Variants in MGLL observed in about 807,000 individuals in gnomAD.
MGLL encodes the protein lysophospholipase homolog.
MGLL carries 7 observed loss-of-function variants against 29.1 expected under a neutral mutation model. That is an observed-to-expected ratio of 0.24 (90% CI 0.14 to 0.45). The LOEUF (loss-of-function observed/expected upper bound fraction) is 0.45, where lower values mean the gene tolerates loss of function less well. MGLL is among the 20% of genes least tolerant of loss of function. The probability of loss-of-function intolerance (pLI) is 0.99; values close to 1 mark genes in which losing one functional copy is unlikely to be tolerated. For synonymous variants in MGLL, 148 were observed against 168.3 expected (o/e 0.88, Z 0.93); for missense variants, 356 against 413.6 (o/e 0.86, Z 1.21).
intron 2 of MGLL, among the ~76,000 whole-genome samples, chr3:127,820,774 C>A (rs1175780735): frequency 6.6e-6 from 1 of 152,222 alleles, no homozygotes; most frequent in Non-Finnish European, 1.5e-5. Flanking sequence ...AAACCATAGC[C>A]AGTCTGTGTA....
At chr3:127,755,576 C>T (rs1368677066) in intron 3 of MGLL, among the ~76,000 whole-genome samples, 4 of 152,194 alleles carry the variant, frequency 2.6e-5, no homozygotes, top group Non-Finnish European at 5.9e-5. Context: ...CTCAGTGCAG[C>T]CGGGACACTG....
At chr3:127,733,668 G>C (rs557059361) in intron 3 of MGLL, among the ~76,000 whole-genome samples, 2 of 152,314 alleles carry the variant, frequency 1.3e-5, no homozygotes, top group East Asian at 3.9e-4. Context: ...TTAGGCACAA[G>C]AGGGATGTTT....
chr3:127,692,164 C>T lies in MGLL; in HGVS notation c.*34G>A. The T allele has an allele frequency of 6.2e-7, 1 of 1,606,502 alleles. No individual in the cohort carries two copies. Among genetic ancestry groups the T allele is most frequent in the Non-Finnish European group, 8.5e-7 (1 of 1,177,016 alleles). ...TCTCTGCCCTTCCCCTGCCTGCATC[C>T]CCCAGACCATGAGCCGGGCACCGGC... On this transcript the variant is annotated 3_prime_UTR_variant, in exon 8 of 8. Coordinates refer to ENST00000265052, the MANE Select transcript of MGLL (RefSeq NM_007283.7).
intron 5 of MGLL, 117 bp downstream of exon 5, chr3:127,720,936 A>G (rs1371326471): frequency 1.0e-5 from 9 of 861,954 alleles, no homozygotes; most frequent in African/African-American, 6.7e-5. Flanking sequence ...CCCTCACGCA[A>G]TAGTGTCTGA....
intron 3 of MGLL, among the ~76,000 whole-genome samples, chr3:127,776,543 G>A (rs930685976): frequency 6.6e-6 from 1 of 152,176 alleles, no homozygotes; most frequent in African/African-American, 2.4e-5. Flanking sequence ...GGCCCTCCAG[G>A]CATTGAGGAT....
intron 2 of MGLL, among the ~76,000 whole-genome samples, chr3:127,796,745 C>T (rs1409010474): frequency 1.3e-5 from 2 of 152,162 alleles, no homozygotes; most frequent in Non-Finnish European, 2.9e-5. Context: ...GCTCTCCCAG[C>T]GTAAGGATAA....
intron 3 of MGLL, among the ~76,000 whole-genome samples, chr3:127,751,682 G>A (rs751314570): frequency 3.3e-5 from 5 of 151,944 alleles, no homozygotes; most frequent in African/African-American, 4.8e-5. Context: ...TTTTGGGGTG[G>A]TTTGTTACAT....
intron 3 of MGLL, among the ~76,000 whole-genome samples, chr3:127,746,882 C>G (rs1179858356): frequency 1.3e-5 from 2 of 152,270 alleles, no homozygotes; most frequent in East Asian, 3.9e-4. Context: ...ATAACCCTGC[C>G]CCTCCCTCCT....
chr3:127,694,786 C>A (rs1322110310), intron 7 of MGLL, among the ~76,000 whole-genome samples, 189 bp downstream of exon 7: 1 of 152,152 alleles, frequency 6.6e-6, no homozygotes. Context: ...GCAAATGACT[C>A]GTGTTCTCTT....
intron 3 of MGLL, among the ~76,000 whole-genome samples, chr3:127,726,038 C>T (rs531218575): frequency 6.7e-6 from 1 of 148,216 alleles, no homozygotes; most frequent in African/African-American, 2.5e-5. Flanking sequence ...GCTCTCCAGC[C>T]TGGACAAAAG....
chr3:127,717,084 G>A (rs568845660), intron 5 of MGLL, among the ~76,000 whole-genome samples: 3 of 152,324 alleles, frequency 2.0e-5, no homozygotes, highest in African/African-American at 4.8e-5. Flanking sequence ...TAGAGAGCAG[G>A]TGCCCACAGG....
intron 3 of MGLL, among the ~76,000 whole-genome samples, chr3:127,754,829 G>A (rs746828163): frequency 6.6e-6 from 1 of 152,230 alleles, no homozygotes. Context: ...ATCAGAGAGG[G>A]GCGCGTGGGG....
intron 6 of MGLL, among the ~76,000 whole-genome samples, chr3:127,703,389 C>G (rs1461139519): frequency 6.6e-6 from 1 of 152,236 alleles, no homozygotes; most frequent in African/African-American, 2.4e-5. Context: ...CATGCAGTCT[C>G]AAGTCTTAAA....
At chr3:127,807,279 T>C (rs2077582762) in intron 2 of MGLL, among the ~76,000 whole-genome samples, 1 of 152,180 alleles carries the variant, frequency 6.6e-6, no homozygotes. Flanking sequence ...AGTATTTCTT[T>C]ATAACCCTTT....
intron 3 of MGLL, among the ~76,000 whole-genome samples, chr3:127,744,443 T>A (rs2076403784): frequency 6.6e-6 from 1 of 152,222 alleles, no homozygotes; most frequent in South Asian, 2.1e-4. Context: ...GTGGCCATTC[T>A]CCTGTTGATT....
At chr3:127,736,990 C>T (rs1270212546) in intron 3 of MGLL, among the ~76,000 whole-genome samples, 4 of 152,128 alleles carry the variant, frequency 2.6e-5, no homozygotes, top group Non-Finnish European at 1.5e-5. Context: ...CCACTGCGCC[C>T]GGCCCTCCTC....
At chr3:127,740,704 G>A (rs2076324295) in intron 3 of MGLL, among the ~76,000 whole-genome samples, 1 of 152,220 alleles carries the variant, frequency 6.6e-6, no homozygotes, top group Non-Finnish European at 1.5e-5. Flanking sequence ...CACCAGTGCG[G>A]GGACAATGGT....
chr3:127,819,534 C>A (rs1215981304), intron 2 of MGLL, among the ~76,000 whole-genome samples: 1 of 152,042 alleles, frequency 6.6e-6, no homozygotes, highest in Admixed American at 6.6e-5. Context: ...TTGCCCCTTG[C>A]TTTTCCTCCC....
At chr3:127,716,172 G>A (rs1220230434) in intron 5 of MGLL, among the ~76,000 whole-genome samples, 1 of 152,238 alleles carries the variant, frequency 6.6e-6, no homozygotes, top group African/African-American at 2.4e-5. Flanking sequence ...AACCCCGGAA[G>A]GGACAGGCGA....
Sources: allele counts gnomAD v4.1 joint callset (sites outside exome capture counted in the v4.1 genomes callset), GRCh38; gene constraint gnomAD v4.1.1; transcripts MANE v1.5; gene names NCBI Gene and HGNC (gene_info 2026-07-23, HGNC 2026-07-21).